MRPS5: variants seen among roughly 807,000 people sequenced by gnomAD.
The protein encoded by MRPS5 is mitochondrial ribosomal protein S5, also known as small ribosomal subunit protein uS5m.
A neutral mutation model predicts 51.9 loss-of-function variants in MRPS5; 27 were observed. That is an observed-to-expected ratio of 0.52 (90% CI 0.38 to 0.72). MRPS5 has a LOEUF of 0.72. MRPS5 is among the 30% of genes least tolerant of loss of function. The pLI is 0.00. For synonymous variants in MRPS5, 196 were observed against 193.2 expected (o/e 1.01, Z -0.12); for missense variants, 570 against 545.7 (o/e 1.04, Z -0.44).
intron 1 of MRPS5, among the ~76,000 whole-genome samples, chr2:95,119,421 T>C (rs1676377802): frequency 6.7e-6 from 1 of 150,226 alleles, no homozygotes; most frequent in Non-Finnish European, 1.5e-5. Flanking sequence ...ACCAGCCTGG[T>C]CAACATTGCG....
Position 95,109,442 on chromosome 2 carries a change from TCGTGA to T in MRPS5, c.403+469_403+473del, listed in dbSNP as rs201929648. On this transcript the variant is annotated intron_variant, in intron 4 of 11. Transcript: ENST00000272418. ...ACTAAGGCCCACAGGCCAACTCAGT[TCGTGA>T]CTTGTTTTTGTAAATGAAATTGTAC... is the stretch of plus-strand genomic sequence containing the variant. Among the ~76,000 whole-genome samples, 544 of 152,370 alleles carry T rather than the reference TCGTGA, an allele frequency of 3.6e-3. 3 individuals carry two copies. Among genetic ancestry groups the T allele is most frequent in the African/African-American group, 0.013 (522 of 41,596 alleles).
chr2:95,108,513 T>C, intron 4 of MRPS5, 105 bp from the exon 5 acceptor site: 6 of 922,786 alleles, frequency 6.5e-6, no homozygotes, highest in Non-Finnish European at 9.6e-6. Context: ...CACTGTTCAC[T>C]GGAGCTTAAG....
chr2:95,115,050 T>C lies in MRPS5; in HGVS notation c.277+16A>G. The C allele has an allele frequency of 6.7e-7, 1 of 1,496,832 alleles. No homozygotes were observed. Among genetic ancestry groups the C allele is most frequent in the Non-Finnish European group, 8.9e-7 (1 of 1,122,724 alleles). The allele number at this position is 1,496,832 out of a possible 1,614,324, so 92.7% of individuals were successfully genotyped here. A position where few individuals can be genotyped will look rare whatever the true frequency, so the allele number is the denominator to read the frequency against. ...CCTGTTTCAAGAAACAGGAAGTTTG[T>C]GGCCATTCTACATACATTTAGTGAA... On this transcript the variant is annotated intron_variant, in intron 3 of 11. Transcript: ENST00000272418.
At chr2:95,094,825 A>G (rs556395160) in intron 10 of MRPS5, among the ~76,000 whole-genome samples, 30 of 152,342 alleles carry the variant, frequency 2.0e-4, no homozygotes, top group African/African-American at 7.2e-4. Context: ...GCATCAACTA[A>G]TGGGAAAAAT....
rs186174820 is a variant in MRPS5, at chr2:95,113,850, G to A, written c.277+1216C>T. Among the ~76,000 whole-genome samples, 30 of 151,470 alleles carry A rather than the reference G, an allele frequency of 2.0e-4. No homozygotes were observed. In the East Asian group the frequency reaches 5.7e-3, roughly 29 times the overall value. On this transcript the variant is annotated intron_variant, in intron 3 of 11. Coordinates refer to ENST00000272418, the MANE Select transcript of MRPS5 (RefSeq NM_031902.5). ...TTAAAAAAAGCAGAAGGCCAGGCAC[G>A]GTGGCTCACGCCTGTAATCCCAGCA... is the stretch of plus-strand genomic sequence containing the variant.
intron 6 of MRPS5, among the ~76,000 whole-genome samples, chr2:95,106,108 A>G (rs938084217): frequency 1.3e-5 from 2 of 152,300 alleles, no homozygotes; most frequent in African/African-American, 4.8e-5. Context: ...GCTGGTTTAT[A>G]ATTCAAACAT....
intron 3 of MRPS5, among the ~76,000 whole-genome samples, chr2:95,112,417 G>A (rs1226561598): frequency 1.3e-5 from 2 of 152,084 alleles, no homozygotes; most frequent in Non-Finnish European, 2.9e-5. Flanking sequence ...CCACTGTAGT[G>A]TCTAATCTTA....
At chr2:95,117,105 C>G (rs1316264292) in intron 2 of MRPS5, among the ~76,000 whole-genome samples, 1 of 151,462 alleles carries the variant, frequency 6.6e-6, no homozygotes, top group Non-Finnish European at 1.5e-5. Flanking sequence ...CAAGCTATTG[C>G]TCTCCAGCCT....
intron 10 of MRPS5, chr2:95,093,019 A>G (rs1675513113): frequency 6.6e-6 from 1 of 152,242 alleles, no homozygotes; most frequent in Non-Finnish European, 1.5e-5. Flanking sequence ...GTGTCTTTCC[A>G]ATGGTGGTAG....
At chr2:95,090,101 C>T (rs1331286093) in intron 11 of MRPS5, among the ~76,000 whole-genome samples, 2 of 138,866 alleles carry the variant, frequency 1.4e-5, no homozygotes, top group Admixed American at 7.7e-5. Context: ...GGCGTGAACC[C>T]GGGAGGCGGA....
chr2:95,118,346 T>TA (rs1268422275), intron 1 of MRPS5, among the ~76,000 whole-genome samples: 1 of 152,264 alleles, frequency 6.6e-6, no homozygotes, highest in African/African-American at 2.4e-5. Flanking sequence ...ACAGCTCTGA[T>TA]AGATTATTCT....
intron 1 of MRPS5, among the ~76,000 whole-genome samples, chr2:95,119,160 C>G (rs1022104634): frequency 6.6e-6 from 1 of 151,900 alleles, no homozygotes; most frequent in African/African-American, 2.4e-5. Context: ...TAAAGACAAC[C>G]CAATATAAAA....
intron 5 of MRPS5, 85 bp downstream of exon 5, chr2:95,108,090 A>C: frequency 8.5e-7 from 1 of 1,177,828 alleles, no homozygotes; most frequent in Non-Finnish European, 1.3e-6. Context: ...TAGTATAAAC[A>C]GACAAGTAAT....
rs565747392 is a variant in MRPS5, at chr2:95,089,559, C to T, written c.1068+827G>A. ...CCCTCCATGGTGGGTGATTGGGAGCCGGGCCCAGGGCTCCCACCTATGAGG... is the reference window on the plus strand; with the variant it reads ...CCCTCCATGGTGGGTGATTGGGAGCTGGGCCCAGGGCTCCCACCTATGAGG... On this transcript the variant is annotated intron_variant, in intron 11 of 11. Coordinates refer to ENST00000272418, the MANE Select transcript of MRPS5 (RefSeq NM_031902.5). Among the ~76,000 whole-genome samples the T allele has an allele frequency of 1.4e-4, 21 of 152,226 alleles. No individual in the cohort carries two copies. The South Asian group carries it at 4.1e-3, about 30-fold the overall frequency.
At position 95,115,200 on chromosome 2, in the gene MRPS5, T is replaced by C. The variant is rs1416045678; in HGVS notation, c.143A>G (p.His48Arg). 2.5e-6 allele frequency: 4 copies of C among 1,598,088 alleles called. No individual in the cohort carries two copies. The highest frequency in any genetic ancestry group is 1.8e-5 in the Admixed American group (1 of 54,878). ...LAWKSVLGNG[H>R]LSSLGTRDTH... ...GTCTCTGGTTCCCAGTGATGACAAA[T>C]GGCCTGTAGGCAGATGGGTTAAACT... The change falls in exon 3 of 12, where the codon CAT becomes CGT. Residue 48 changes from histidine (H) to arginine (R), a missense_variant. Coordinates refer to ENST00000272418, the MANE Select transcript of MRPS5 (RefSeq NM_031902.5).
At position 95,110,003 on chromosome 2, in the gene MRPS5, T is replaced by C; in HGVS notation, c.316A>G (p.Thr106Ala). 4.3e-6 allele frequency: 7 copies of C among 1,614,122 alleles called. No individual in the cohort carries two copies. Among genetic ancestry groups the C allele is most frequent in the Non-Finnish European group, 5.9e-6 (7 of 1,180,002 alleles). The change falls in exon 4 of 12, where the codon ACT becomes GCT. Residue 106 changes from threonine (T) to alanine (A), a missense_variant. By Grantham distance (58) the Thr-to-Ala change is moderately conservative. Transcript: ENST00000272418. Reference sequence around the variant, plus strand: ...CTTCCTTTTTTTGCTCCAGCACCAGTCTCTGCTAAAGCGCCTTTCCACAGC... The same window carrying C: ...CTTCCTTTTTTTGCTCCAGCACCAGCCTCTGCTAAAGCGCCTTTCCACAGC... ...DELWKGALAE[T>A]GAGAKKGRGK...
chr2:95,118,970 A>T (rs575163009), intron 1 of MRPS5, among the ~76,000 whole-genome samples: 15 of 152,342 alleles, frequency 9.8e-5, no homozygotes, highest in African/African-American at 3.6e-4. Context: ...CCAAAAGCAC[A>T]GCAACAAAAA....
At chr2:95,115,587 C>T (rs765580906) in intron 2 of MRPS5, among the ~76,000 whole-genome samples, 35 of 152,136 alleles carry the variant, frequency 2.3e-4, no homozygotes, top group Admixed American at 2.6e-4. Context: ...GTCAGAAGAG[C>T]AAGGTGCAGG....
At chr2:95,104,930 G>A (rs1002126524) in intron 6 of MRPS5, among the ~76,000 whole-genome samples, 200 bp from the exon 7 acceptor site, 3 of 152,106 alleles carry the variant, frequency 2.0e-5, no homozygotes, top group African/African-American at 7.2e-5. Context: ...GGAGAAAACA[G>A]AAATGAGACT....
Sources: gnomAD v4.1 joint callset for allele counts (sites outside exome capture counted in the v4.1 genomes callset) on GRCh38, gnomAD v4.1.1 for gene constraint, MANE v1.5 for transcripts, NCBI Gene and HGNC (gene_info 2026-07-23, HGNC 2026-07-21) for gene names.